Variants in SNX24 observed in about 807,000 individuals in gnomAD.
SNX24 encodes the protein sorting nexin-24.
Under a neutral mutation model 28.7 loss-of-function variants are expected in SNX24, and 22 were observed. That is an observed-to-expected ratio of 0.77 (90% CI 0.55 to 1.10). SNX24 has a LOEUF of 1.10. Among genes scored for constraint, SNX24 ranks in the 50% least tolerant of loss-of-function variants. SNX24 has a pLI of 0.00. For missense variants in SNX24, 221 were observed against 201.1 expected (o/e 1.10, Z -0.60); for synonymous variants, 69 against 71.5 (o/e 0.96, Z 0.18).
At chr5:122,963,870 T>A (rs1385921808) in intron 3 of SNX24, among the ~76,000 whole-genome samples, 2 of 152,160 alleles carry the variant, frequency 1.3e-5, no homozygotes, top group East Asian at 3.9e-4. Context: ...TCTCACTATG[T>A]AATACATATA....
At chr5:122,995,159 A>C (rs984786315) in intron 3 of SNX24, among the ~76,000 whole-genome samples, 20 of 152,214 alleles carry the variant, frequency 1.3e-4, no homozygotes, top group African/African-American at 4.8e-4. Context: ...TATTCTTTTC[A>C]TACTATGTCA....
intron 1 of SNX24, among the ~76,000 whole-genome samples, chr5:122,868,491 A>G (rs751059637): frequency 3.3e-5 from 5 of 152,132 alleles, no homozygotes; most frequent in Non-Finnish European, 5.9e-5. Flanking sequence ...AAGAACCAGC[A>G]TTGCACTTAA....
intron 1 of SNX24, among the ~76,000 whole-genome samples, chr5:122,885,373 G>A (rs1190328475): frequency 6.6e-6 from 1 of 152,128 alleles, no homozygotes; most frequent in African/African-American, 2.4e-5. Flanking sequence ...AATGCCCCAG[G>A]CCCCTCCTGT....
At chr5:122,919,365 G>T (rs1758316778) in intron 1 of SNX24, among the ~76,000 whole-genome samples, 3 of 152,160 alleles carry the variant, frequency 2.0e-5, no homozygotes, top group Admixed American at 1.3e-4. Flanking sequence ...TTAAAGCCTG[G>T]AATTTCTCCA....
chr5:122,951,017 C>T (rs1456265045), intron 3 of SNX24, among the ~76,000 whole-genome samples: 2 of 152,018 alleles, frequency 1.3e-5, no homozygotes, highest in African/African-American at 4.8e-5. Context: ...CCTGTAATCC[C>T]AGCACTTTGG....
chr5:122,964,861 C>T (rs1313624497), intron 3 of SNX24, among the ~76,000 whole-genome samples: 1 of 152,122 alleles, frequency 6.6e-6, no homozygotes, highest in Non-Finnish European at 1.5e-5. Flanking sequence ...TTTTGTAAAA[C>T]AATTCTAACA....
chr5:123,007,949 G>A lies in SNX24; in HGVS notation c.*200G>A. ...AAATAGAAACTGAACCGGGGCGGTG[G>A]TCAGGCTAAGGCCAAGTGTTTAAGA... On this transcript the variant is annotated 3_prime_UTR_variant, in exon 7 of 7. Transcript: ENST00000261369. The A allele has an allele frequency of 7.4e-7, 1 of 1,345,744 alleles. No individual in the cohort carries two copies. The highest frequency in any genetic ancestry group is 9.6e-7 in the Non-Finnish European group (1 of 1,045,152). 83.4% of individuals were successfully genotyped at this position (1,345,744 alleles called of 1,614,324 possible). A position where few individuals can be genotyped will look rare whatever the true frequency, so the allele number is the denominator to read the frequency against.
chr5:122,856,486 C>T (rs1380528127), intron 1 of SNX24, among the ~76,000 whole-genome samples: 1 of 150,334 alleles, frequency 6.7e-6, no homozygotes, highest in Non-Finnish European at 1.5e-5. Flanking sequence ...GGGTATATAA[C>T]CAATAATTGG....
At chr5:122,990,747 G>T (rs1761809483) in intron 3 of SNX24, among the ~76,000 whole-genome samples, 1 of 152,092 alleles carries the variant, frequency 6.6e-6, no homozygotes, top group Admixed American at 6.5e-5. Context: ...TCTATTGTTT[G>T]TATTTAACTA....
intron 1 of SNX24, among the ~76,000 whole-genome samples, chr5:122,930,443 C>A (rs988687623): frequency 6.6e-6 from 1 of 152,128 alleles, no homozygotes; most frequent in African/African-American, 2.4e-5. Context: ...TGGCAATTAG[C>A]ATGTCAGAGA....
At chr5:122,867,431 A>T (rs563604972) in intron 1 of SNX24, among the ~76,000 whole-genome samples, 13 of 152,216 alleles carry the variant, frequency 8.5e-5, no homozygotes, top group Non-Finnish European at 1.6e-4. Context: ...AATCCATTGT[A>T]GTCAACCTGC....
At chr5:122,949,907 A>T (rs1007508099) in intron 3 of SNX24, among the ~76,000 whole-genome samples, 1 of 152,212 alleles carries the variant, frequency 6.6e-6, no homozygotes, top group Non-Finnish European at 1.5e-5. Flanking sequence ...TATATTTGGC[A>T]TTTGAGTAAT....
At chr5:122,967,743 C>T (rs1257508553) in intron 3 of SNX24, among the ~76,000 whole-genome samples, 1 of 152,140 alleles carries the variant, frequency 6.6e-6, no homozygotes, top group Non-Finnish European at 1.5e-5. Flanking sequence ...GATAGGTGGA[C>T]TTATGAGTTA....
intron 1 of SNX24, among the ~76,000 whole-genome samples, chr5:122,847,514 G>C (rs866650266): frequency 3.4e-5 from 1 of 29,058 alleles, no homozygotes; most frequent in African/African-American, 1.6e-4. Flanking sequence ...TTTTTTTTTT[G>C]AGACAGTCTT....
intron 6 of SNX24, 57 bp downstream of exon 6, chr5:123,002,061 A>G: frequency 7.3e-7 from 1 of 1,377,436 alleles, no homozygotes; most frequent in Non-Finnish European, 1.0e-6. Flanking sequence ...TGCACCACAT[A>G]AACCACGTTT....
rs1203491635 is a variant in SNX24 at position 122,928,678 on chromosome 5, A to G, written c.61-8056A>G. The stretch of plus-strand genomic sequence containing the variant: ...ATTGCAGGAACCTGTTATCACCTAG[A>G]ACCTCTGCAGTCACACACCCCTGCC... On this transcript the variant is annotated intron_variant, in intron 1 of 6. Transcript: ENST00000261369. Among the ~76,000 whole-genome samples the G allele has an allele frequency of 2.6e-5, 4 of 151,946 alleles. No individual in the cohort carries two copies. In the East Asian group the frequency reaches 7.9e-4, roughly 30 times the overall value.
chr5:122,897,184 A>T (rs897352439), intron 1 of SNX24, among the ~76,000 whole-genome samples: 1 of 152,198 alleles, frequency 6.6e-6, no homozygotes. Context: ...TCAGTATGCC[A>T]GTAGGTGTCA....
At chr5:123,028,951 C>A in intron 5 of SNX24, 1 of 1,218,844 alleles carries the variant, frequency 8.2e-7, no homozygotes, top group Non-Finnish European at 1.2e-6. Context: ...AAAGGACAAA[C>A]TGAGAAAATT....
intron 1 of SNX24, among the ~76,000 whole-genome samples, chr5:122,926,110 G>A (rs1282579139): frequency 6.6e-6 from 1 of 152,156 alleles, no homozygotes; most frequent in Non-Finnish European, 1.5e-5. Flanking sequence ...GGAGCTAGTT[G>A]CTGTTTTAGA....
Sources: allele counts gnomAD v4.1 joint callset (sites outside exome capture counted in the v4.1 genomes callset), GRCh38; gene constraint gnomAD v4.1.1; transcripts MANE v1.5; gene names NCBI Gene and HGNC (gene_info 2026-07-23, HGNC 2026-07-21).